COL27A1: variants seen among roughly 807,000 people sequenced by gnomAD.
The protein encoded by COL27A1 is collagen alpha-1(XXVII) chain.
In COL27A1, 106 loss-of-function variants were observed where a neutral mutation model predicts 251.3. That is an observed-to-expected ratio of 0.42 (90% confidence interval 0.36 to 0.50). The LOEUF (loss-of-function observed/expected upper bound fraction) is 0.50. Ranked by LOEUF, COL27A1 falls within the 20% of genes least tolerant of loss-of-function variation. The pLI, the probability that COL27A1 is intolerant of heterozygous loss-of-function variation, is 0.00. For synonymous variants in COL27A1, 1,000 were observed against 986.3 expected, an observed-to-expected ratio of 1.01 and a Z score of -0.26; for missense variants, 2,325 against 2,522.8, an observed-to-expected ratio of 0.92 and a Z score of 1.68.
At chr9:114,287,776 G>A (rs908356719) in intron 41 of COL27A1, among the ~76,000 whole-genome samples, 6 of 152,180 alleles carry the variant, frequency 3.9e-5, no homozygotes, top group Admixed American at 1.3e-4. Flanking sequence ...GAGGGTAGGA[G>A]GTTCATCCTA....
At chr9:114,203,425 T>C (rs1306666204) in intron 7 of COL27A1, among the ~76,000 whole-genome samples, 1 of 152,080 alleles carries the variant, frequency 6.6e-6, no homozygotes, top group Non-Finnish European at 1.5e-5. Flanking sequence ...TTCTCAGAGG[T>C]GAAGTCATTG....
intron 16 of COL27A1, among the ~76,000 whole-genome samples, chr9:114,232,719 G>A (rs1214582487): frequency 1.3e-5 from 2 of 152,152 alleles, no homozygotes; most frequent in Admixed American, 1.3e-4. Flanking sequence ...GCCATGCTGG[G>A]CGCCATCTGA....
chr9:114,291,796 G>A (rs145044742), intron 48 of COL27A1, among the ~76,000 whole-genome samples: 2 of 152,268 alleles, frequency 1.3e-5, no homozygotes, highest in African/African-American at 4.8e-5. Context: ...TTCTACGAGT[G>A]TGAGCTGAGG....
chr9:114,272,369 T>A (rs574690243), intron 36 of COL27A1: 2 of 152,220 alleles, frequency 1.3e-5, no homozygotes, highest in South Asian at 4.1e-4. Context: ...GCCTCCACCT[T>A]GCATGGCTTT....
At chr9:114,301,868 G>T in intron 55 of COL27A1, 151 bp downstream of exon 55, 1 of 930,430 alleles carries the variant, frequency 1.1e-6, no homozygotes, top group Non-Finnish European at 1.7e-6. Context: ...GGCATCCCCC[G>T]AACATTCACT....
intron 5 of COL27A1, among the ~76,000 whole-genome samples, chr9:114,192,214 G>C (rs1395548910): frequency 6.6e-6 from 1 of 152,178 alleles, no homozygotes; most frequent in Non-Finnish European, 1.5e-5. Flanking sequence ...TAACAGAATG[G>C]GATACCTGAA....
chr9:114,270,681 C>T (rs1588837614), intron 35 of COL27A1, 47 bp from the exon 36 acceptor site: 2 of 1,459,034 alleles, frequency 1.4e-6, no homozygotes, highest in East Asian at 4.6e-5. Flanking sequence ...ACACCGGGGC[C>T]TCCTCCCCAG....
At chr9:114,219,585 A>G (rs1367793444) in intron 12 of COL27A1, among the ~76,000 whole-genome samples, 1 of 152,154 alleles carries the variant, frequency 6.6e-6, no homozygotes, top group Non-Finnish European at 1.5e-5. Context: ...GACTTAGTAG[A>G]AAATAAAAGG....
Position 114,301,707 on chromosome 9 carries a change from C to T in COL27A1, c.4835C>T (p.Pro1612Leu), listed in dbSNP as rs145219312. Residue 1612 changes from proline (P) to leucine (L), a missense_variant, in exon 55 of 61, where the codon CCC becomes CTC. Physicochemically the swap from Pro to Leu is moderately conservative, Grantham distance 98. Around this residue, in one of 4 missense-constraint regions of COL27A1, gnomAD observed 327 missense variants for 442.8 expected, o/e 0.74. Coordinates refer to ENST00000356083, the MANE Select transcript of COL27A1 (RefSeq NM_032888.4). ...GGTCCTCCCGGCCCCAGAGGGCGGCCCGGCCCCCCGGTAGGTAACTGAGTG... is the reference window on the plus strand; with the variant it reads ...GGTCCTCCCGGCCCCAGAGGGCGGCTCGGCCCCCCGGTAGGTAACTGAGTG... Reference protein sequence around the residue: ...PRGPPGPRGRPGPPGPPGGPI... With the variant: ...PRGPPGPRGRLGPPGPPGGPI... 2 of 1,612,020 alleles carry T rather than the reference C, an allele frequency of 1.2e-6. No homozygotes were observed. Among genetic ancestry groups the T allele is most frequent in the Non-Finnish European group, 8.5e-7 (1 of 1,179,254 alleles).
chr9:114,242,585 C>T (rs1252536933), intron 22 of COL27A1, among the ~76,000 whole-genome samples: 1 of 152,228 alleles, frequency 6.6e-6, no homozygotes, highest in African/African-American at 2.4e-5. Context: ...GCCCTCAGCC[C>T]GAGCCCTCTG....
At chr9:114,308,320 A>G (rs1194547930) in intron 59 of COL27A1, among the ~76,000 whole-genome samples, 2 of 152,198 alleles carry the variant, frequency 1.3e-5, no homozygotes, top group African/African-American at 2.4e-5. Flanking sequence ...CTGTAGTTCC[A>G]CTAAGCCTTC....
intron 5 of COL27A1, among the ~76,000 whole-genome samples, chr9:114,188,968 A>T (rs1828567384): frequency 6.6e-6 from 1 of 152,162 alleles, no homozygotes; most frequent in African/African-American, 2.4e-5. Flanking sequence ...CATCCACCTT[A>T]CAAATATTTT....
At chr9:114,202,726 C>A (rs532951232) in intron 7 of COL27A1, among the ~76,000 whole-genome samples, 92 of 152,100 alleles carry the variant, frequency 6.0e-4, no homozygotes, top group Non-Finnish European at 8.8e-4. Context: ...TGCCTCAGGG[C>A]CTTTGCACTT....
chr9:114,230,971 C>T (rs182607248), intron 14 of COL27A1, 108 bp from the exon 15 acceptor site: 124 of 801,578 alleles, frequency 1.5e-4, no homozygotes, highest in Admixed American at 1.1e-3. Context: ...TACAGAGTTG[C>T]GTCTTTGGAA....
In COL27A1 at chr9:114,246,023, C is replaced by T. The variant is rs989378158; in HGVS notation, c.2979+113C>T. The T allele has an allele frequency of 8.8e-6, 8 of 913,678 alleles. No individual in the cohort carries two copies. In the African/African-American group the frequency reaches 1.3e-4, roughly 15 times the overall value. 56.6% of individuals were successfully genotyped at this position (913,678 alleles called of 1,614,324 possible). A position where few individuals can be genotyped will look rare whatever the true frequency, so the allele number is the denominator to read the frequency against. ...CCACCTCGTGTAATTCTCAGAACAA[C>T]TCCAGAGGTAGGTTCAGTCCTCTAC... is the stretch of plus-strand genomic sequence containing the variant. On this transcript the variant is annotated intron_variant, in intron 24 of 60. Coordinates refer to ENST00000356083, the MANE Select transcript of COL27A1 (RefSeq NM_032888.4).
At chr9:114,194,744 T>G (rs940690523) in intron 6 of COL27A1, among the ~76,000 whole-genome samples, 2 of 152,244 alleles carry the variant, frequency 1.3e-5, no homozygotes, top group Non-Finnish European at 2.9e-5. Flanking sequence ...AATGTCCTTT[T>G]GCCTAATGTC....
intron 48 of COL27A1, among the ~76,000 whole-genome samples, chr9:114,291,352 C>T (rs1034581241): frequency 1.3e-5 from 2 of 152,228 alleles, no homozygotes; most frequent in African/African-American, 4.8e-5. Flanking sequence ...GGTTCTTGCC[C>T]TCTCTGAGCT....
chr9:114,260,933 C>T (rs1005542828), intron 28 of COL27A1, among the ~76,000 whole-genome samples: 2 of 152,208 alleles, frequency 1.3e-5, no homozygotes, highest in Non-Finnish European at 2.9e-5. Context: ...CCAACTCTTC[C>T]CCTGCCTGTG....
chr9:114,158,657 C>T (rs1398058662), intron 1 of COL27A1, among the ~76,000 whole-genome samples: 2 of 152,174 alleles, frequency 1.3e-5, no homozygotes, highest in African/African-American at 4.8e-5. Context: ...AGGCACTAAC[C>T]ATGATTAGCA....
Sources: gnomAD v4.1 joint callset for allele counts (sites outside exome capture counted in the v4.1 genomes callset) on GRCh38, gnomAD v4.1.1 for gene constraint, gnomAD v4.1.1 regional missense constraint, MANE v1.5 for transcripts, NCBI Gene and HGNC (gene_info 2026-07-23, HGNC 2026-07-21) for gene names.